The following DENND2D variants were observed in gnomAD, a reference collection of about 807,000 sequenced individuals.
DENND2D encodes DENN domain-containing protein 2D.
DENND2D carries 37 observed loss-of-function variants against 59.8 expected under a neutral mutation model. That is an observed-to-expected ratio of 0.62 (90% CI 0.48 to 0.81). The LOEUF (loss-of-function observed/expected upper bound fraction) is 0.81, where lower values mean the gene tolerates loss of function less well. Ranked by LOEUF, DENND2D falls within the 40% of genes least tolerant of loss-of-function variation. The probability of loss-of-function intolerance (pLI) is 0.00; values close to 1 mark genes in which losing one functional copy is unlikely to be tolerated. For synonymous variants in DENND2D, 219 were observed against 211.3 expected (o/e 1.04, Z -0.31); for missense variants, 525 against 579.7 (o/e 0.91, Z 0.97).
At chr1:111,189,303 C>T (rs756646157) in intron 8 of DENND2D, 50 bp from the exon 9 acceptor site, 17 of 1,603,438 alleles carry the variant, frequency 1.1e-5, no homozygotes, top group Non-Finnish European at 1.5e-5. Flanking sequence ...TTCATAGACC[C>T]CCAGAGGATT....
chr1:111,200,378 C>A lies in DENND2D; in HGVS notation c.67+15G>T. The A allele has an allele frequency of 6.2e-7, 1 of 1,609,424 alleles. No individual in the cohort carries two copies. Among genetic ancestry groups the A allele is most frequent in the Non-Finnish European group, 8.5e-7 (1 of 1,177,660 alleles). ...GTCACCCTAAAAACAAGGAAGTAGG[C>A]AGTCCAGTCCTGACCTGCTCGGAGT... On this transcript the variant is annotated intron_variant, in intron 1 of 11. Coordinates refer to ENST00000357640, the MANE Select transcript of DENND2D (RefSeq NM_024901.5).
At position 111,194,837 on chromosome 1, in the gene DENND2D, TGG is replaced by T. The variant is rs1658076731; in HGVS notation, c.646-113_646-112del. The T allele has an allele frequency of 3.3e-6, 4 of 1,228,074 alleles. No homozygotes were observed. In the African/African-American group the frequency reaches 6.0e-5, roughly 19 times the overall value. The allele number at this position is 1,228,074 out of a possible 1,614,324, so 76.1% of individuals were successfully genotyped here. A position where few individuals can be genotyped will look rare whatever the true frequency, so the allele number is the denominator to read the frequency against. On this transcript the variant is annotated intron_variant, in intron 6 of 11. Coordinates refer to ENST00000357640, the MANE Select transcript of DENND2D (RefSeq NM_024901.5). ...TTCCTTCTGCCCCCAGGAGTGAATC[TGG>T]CCCTGTCTCTCTGTCCCCCTGCTAA... is the stretch of plus-strand genomic sequence containing the variant.
At chr1:111,197,861 C>T (rs1026524109) in intron 4 of DENND2D, 59 bp downstream of exon 4, 3 of 1,609,812 alleles carry the variant, frequency 1.9e-6, no homozygotes, top group African/African-American at 2.7e-5. Context: ...CTTGAGCAAG[C>T]CCAGCCGTGG....
intron 5 of DENND2D, 27 bp downstream of exon 5, chr1:111,197,149 G>GAAGGACAAA (rs1553243663): frequency 2.5e-6 from 4 of 1,604,658 alleles, no homozygotes; most frequent in Non-Finnish European, 3.4e-6. Context: ...TGGAATATGG[G>GAAGGACAAA]CAGGCCCTGA....
intron 4 of DENND2D, 35 bp downstream of exon 4, chr1:111,197,885 G>A: frequency 6.2e-7 from 1 of 1,612,924 alleles, no homozygotes; most frequent in Non-Finnish European, 8.5e-7. Context: ...TGAGCAGACT[G>A]CAGAAAGGAA....
At position 111,187,539 on chromosome 1, in the gene DENND2D, C is replaced by G. The variant is rs1657329675; in HGVS notation, c.*66G>C. 1.4e-6 allele frequency: 2 copies of G among 1,409,692 alleles called. No homozygotes were observed. Among genetic ancestry groups the G allele is most frequent in the Non-Finnish European group, 2.0e-6 (2 of 998,304 alleles). The allele number at this position is 1,409,692 out of a possible 1,614,324, so 87.3% of individuals were successfully genotyped here. On this transcript the variant is annotated 3_prime_UTR_variant, in exon 12 of 12. Coordinates refer to ENST00000357640, the MANE Select transcript of DENND2D (RefSeq NM_024901.5). ...GAGCTGACAGTTTTGCTGATCCTGCCACACTGGCAGGGGCTGAAGTCCAGA... is the reference window on the plus strand; with the variant it reads ...GAGCTGACAGTTTTGCTGATCCTGCGACACTGGCAGGGGCTGAAGTCCAGA...
At chr1:111,199,933 C>T (rs947131431) in intron 1 of DENND2D, 135 bp from the exon 2 acceptor site, 34 of 1,151,992 alleles carry the variant, frequency 3.0e-5, no homozygotes, top group Non-Finnish European at 3.5e-5. Context: ...TGGCCAGAAC[C>T]ACCAGTCACT....
intron 1 of DENND2D, 97 bp downstream of exon 1, chr1:111,200,296 A>G: frequency 6.7e-7 from 1 of 1,497,276 alleles, no homozygotes; most frequent in Admixed American, 2.0e-5. Context: ...GGAGGCCGAG[A>G]TATAAAGGAA....
Position 111,187,327 on chromosome 1 carries a change from A to G in DENND2D, c.*278T>C, listed in dbSNP as rs1163064561. On this transcript the variant is annotated 3_prime_UTR_variant, in exon 12 of 12. Transcript: ENST00000357640. ...CAGCAGCTTCTAACCAAGTGTCTACAACACATGTACTACTGTTTCCTACCT... is the reference window on the plus strand; with the variant it reads ...CAGCAGCTTCTAACCAAGTGTCTACGACACATGTACTACTGTTTCCTACCT... The G allele has an allele frequency of 1.2e-5, 5 of 432,568 alleles. No homozygotes were observed. The highest frequency in any genetic ancestry group is 9.8e-5 in the African/African-American group (5 of 50,786). 26.8% of individuals were successfully genotyped at this position (432,568 alleles called of 1,614,324 possible). A position where few individuals can be genotyped will look rare whatever the true frequency, so the allele number is the denominator to read the frequency against.
chr1:111,191,932 G>A (rs1310130192), intron 8 of DENND2D, among the ~76,000 whole-genome samples: 13 of 152,144 alleles, frequency 8.5e-5, no homozygotes, highest in Admixed American at 7.9e-4. Flanking sequence ...CCTGTGTGTC[G>A]GGTGCCAGGT....
At position 111,195,930 on chromosome 1, in the gene DENND2D, C is replaced by A; in HGVS notation, c.631G>T (p.Asp211Tyr). 1 of 1,613,992 alleles carries A rather than the reference C, an allele frequency of 6.2e-7. No individual in the cohort carries two copies. Among genetic ancestry groups the A allele is most frequent in the South Asian group, 1.1e-5 (1 of 91,046 alleles). Residue 211 changes from aspartate (D) to tyrosine (Y), a missense_variant, in exon 6 of 12, where the codon GAC (aspartate) becomes TAC (tyrosine). By Grantham distance (160) the Asp-to-Tyr change is radical. Transcript: ENST00000357640. The part of the protein sequence containing the change: ...KTVTLKSFIP[D>Y]SGTEFISLTR... ...TGCTAACCCACCTCAGTGCCTGAGT[C>A]GGGGATGAAGCTCTTGAGAGTGACA...
chr1:111,197,086 G>C, intron 5 of DENND2D, 90 bp downstream of exon 5: 2 of 1,397,324 alleles, frequency 1.4e-6, no homozygotes, highest in Non-Finnish European at 2.0e-6. Context: ...TATGGGAGAA[G>C]AGCTCCACTA....
upstream of DENND2D, among the ~76,000 whole-genome samples, chr1:111,203,027 A>G (rs1254906610): frequency 6.6e-6 from 1 of 152,208 alleles, no homozygotes; most frequent in Non-Finnish European, 1.5e-5. Context: ...AGGACAGACC[A>G]GGCCAGTGCT....
chr1:111,189,149 G>C, intron 9 of DENND2D, 63 bp downstream of exon 9: 1 of 1,554,490 alleles, frequency 6.4e-7, no homozygotes, highest in South Asian at 1.1e-5. Flanking sequence ...AGTGGAACAT[G>C]GATGAAACTA....
rs774354540 is a variant in DENND2D, at chr1:111,186,103, T to G, written c.*1502A>C. Among the ~76,000 whole-genome samples the G allele has an allele frequency of 9.8e-5, 15 of 152,334 alleles. No individual in the cohort carries two copies. Among genetic ancestry groups the G allele is most frequent in the Non-Finnish European group, 2.1e-4 (14 of 68,024 alleles). ...CATTAGCATCAAATCAAGGGTACATTTGTAATAAACCTCAGCAAACCTTAC... is the reference window on the plus strand; with the variant it reads ...CATTAGCATCAAATCAAGGGTACATGTGTAATAAACCTCAGCAAACCTTAC... On this transcript the variant is annotated 3_prime_UTR_variant, in exon 12 of 12. Coordinates refer to ENST00000357640, the MANE Select transcript of DENND2D (RefSeq NM_024901.5).
rs200122035 is a variant in DENND2D, at chr1:111,192,148, T to C, written c.964A>G (p.Met322Val). 102 of 1,603,972 alleles carry C rather than the reference T, an allele frequency of 6.4e-5. No homozygotes were observed. Among genetic ancestry groups the C allele is most frequent in the Admixed American group, 1.3e-4 (8 of 59,342 alleles). ...TTCTTGCCACATCATACCTCTTCCA[T>C]AGGGCTGTCCATGACCTCCTGCTGG... The part of the protein sequence containing the change: ...RFQQEVMDSP[M>V]EEVLLVNLCE... Residue 322 changes from methionine to valine, a missense_variant, in exon 8 of 12, where the codon ATG (methionine) becomes GTG (valine). Met to Val is a conservative substitution (Grantham distance 21). This residue lies in a region of DENND2D where 225 missense variants were observed against 252.4 expected (regional missense o/e 0.89). Coordinates refer to ENST00000357640, the MANE Select transcript of DENND2D (RefSeq NM_024901.5).
At chr1:111,188,497 T>A in intron 10 of DENND2D, 127 bp from the exon 11 acceptor site, 2 of 1,384,264 alleles carry the variant, frequency 1.4e-6, no homozygotes, top group Non-Finnish European at 2.0e-6. Flanking sequence ...GGTTCATAAT[T>A]ACTGACTGAG....
At chr1:111,201,899 G>A (rs1306103517), upstream of DENND2D, among the ~76,000 whole-genome samples, 3 of 152,234 alleles carry the variant, frequency 2.0e-5, no homozygotes, top group African/African-American at 7.2e-5. Context: ...AACACTTGGA[G>A]CTGGCACCAC....
Position 111,192,230 on chromosome 1 carries a change from GCT to G in DENND2D, c.880_881del (p.Ser294ProfsTer38), listed in dbSNP as rs1557955120. 6.2e-7 allele frequency: 1 copy of G among 1,614,030 alleles called. No individual in the cohort carries two copies. Among genetic ancestry groups the G allele is most frequent in the Non-Finnish European group, 8.5e-7 (1 of 1,179,946 alleles). ...AHTYIPVVPE[S>X]LLATVCCPTP... ...TGGGGCAGCAGACGGTGGCCAGAAG[GCT>G]CTCAGGGACAACAGGGATGTAGGTG... On this transcript the variant is annotated frameshift_variant, in exon 8 of 12. Transcript: ENST00000357640. LOFTEE classifies it high-confidence loss of function.
Sources: allele counts gnomAD v4.1 joint callset (sites outside exome capture counted in the v4.1 genomes callset), GRCh38; gene constraint gnomAD v4.1.1; regional missense constraint gnomAD v4.1.1; transcripts MANE v1.5; gene names NCBI Gene and HGNC (gene_info 2026-07-23, HGNC 2026-07-21).